Variants in WASHC2C observed in about 807,000 individuals in gnomAD.
WASHC2C encodes Vaccinia Penetration Factor.
Under a neutral mutation model 142.2 loss-of-function variants are expected in WASHC2C, and 73 were observed. That is an observed-to-expected ratio of 0.51 (90% confidence interval 0.43 to 0.62). The LOEUF is 0.62. Ranked by LOEUF, WASHC2C falls within the 20% of genes least tolerant of loss-of-function variation. The pLI, the probability that WASHC2C is intolerant of heterozygous loss-of-function variation, is 0.00. For synonymous variants in WASHC2C, 337 were observed against 565.5 expected (o/e 0.60, Z 5.73); for missense variants, 969 against 1,531.7 (o/e 0.63, Z 6.13).
intron 25 of WASHC2C, 109 bp downstream of exon 25, chr10:45,785,010 C>G: frequency 6.2e-7 from 1 of 1,607,264 alleles, no homozygotes. Flanking sequence ...CGTGCTGCTT[C>G]CTGCTAAATG....
chr10:45,762,932 A>C (rs1371917366), intron 17 of WASHC2C, among the ~76,000 whole-genome samples: 10 of 152,200 alleles, frequency 6.6e-5, no homozygotes, highest in African/African-American at 2.4e-4. Flanking sequence ...AGTAAGTCAT[A>C]ATCTTAGGAG....
chr10:45,727,392 T>C, intron 1 of WASHC2C, 25 bp from the exon 2 acceptor site: 1 of 1,610,312 alleles, frequency 6.2e-7, no homozygotes, highest in Non-Finnish European at 8.5e-7. Flanking sequence ...AGGCTCAGCC[T>C]CTCTTCTCGT....
At chr10:45,773,004 G>A (rs1351356653) in intron 20 of WASHC2C, among the ~76,000 whole-genome samples, 10 of 149,298 alleles carry the variant, frequency 6.7e-5, no homozygotes, top group African/African-American at 2.5e-4. Flanking sequence ...TGATGAACCT[G>A]CACTGGATAG....
chr10:45,779,412 T>C (rs1324814067), intron 23 of WASHC2C, among the ~76,000 whole-genome samples: 2 of 151,656 alleles, frequency 1.3e-5, no homozygotes, highest in African/African-American at 4.8e-5. Flanking sequence ...TGGCCAGTTG[T>C]GGGATGTAAA....
rs201160434 is a variant in WASHC2C at position 45,757,138 on chromosome 10, A to G, written c.1547A>G (p.Lys516Arg). The G allele has an allele frequency of 2.9e-3, 4,694 of 1,604,488 alleles. 133 individuals carry two copies. The African/African-American group carries it at 0.053, about 18-fold the overall frequency. Residue 516 changes from lysine (K) to arginine (R), a missense_variant and splice_region_variant, in exon 16 of 31, where the codon AAG (lysine) becomes AGG (arginine). Lys to Arg is a conservative substitution (Grantham distance 26). Coordinates refer to ENST00000623400, the MANE Select transcript of WASHC2C (RefSeq NM_001330074.2). ...TDENKARAEK[K>R]VTLSYSKNLK... is the part of the protein sequence containing the mutation. Reference sequence around the variant, plus strand: ...GAAAATAAAGCAAGAGCAGAAAAAAAGGTGAGCAGGAGGGAAGACTTAACG... The same window carrying G: ...GAAAATAAAGCAAGAGCAGAAAAAAGGGTGAGCAGGAGGGAAGACTTAACG...
Position 45,776,986 on chromosome 10 carries a change from G to A in WASHC2C, c.2143-287G>A, listed in dbSNP as rs559171402. ...GAGGCAGAGAGAGAGACTCATGATC[G>A]TCTGGTGGCAGAGATAAGGATCTGA... On this transcript the variant is annotated intron_variant, in intron 21 of 30. Transcript: ENST00000623400. Among the ~76,000 whole-genome samples, 129 of 151,064 alleles carry A rather than the reference G, an allele frequency of 8.5e-4. 1 individual carries two copies. The highest frequency in any genetic ancestry group is 2.1e-3 in the South Asian group (10 of 4,778).
Position 45,750,183 on chromosome 10 carries a change from G to T in WASHC2C, c.820G>T (p.Asp274Tyr), listed in dbSNP as rs1554873625. The change falls in exon 9 of 31, where the codon GAC (aspartate) becomes TAC (tyrosine). Residue 274 changes from aspartate (D) to tyrosine (Y), a missense_variant. Coordinates refer to ENST00000623400, the MANE Select transcript of WASHC2C (RefSeq NM_001330074.2). ...TGAGAAGGAGGAGGAAGATATTGAG[G>T]ACATTGAAGAAAATACTAGACCTGT... ...DSEKEEEDIEDIEENTRPKRS... is the reference protein window; with the variant it reads ...DSEKEEEDIEYIEENTRPKRS... 1.9e-6 allele frequency: 3 copies of T among 1,611,264 alleles called. No homozygotes were observed. In the Admixed American group the frequency reaches 5.0e-5, roughly 27 times the overall value.
At position 45,777,469 on chromosome 10, in the gene WASHC2C, A is replaced by G. The variant is rs1554886814; in HGVS notation, c.2295+44A>G. The G allele has an allele frequency of 1.9e-6, 3 of 1,612,712 alleles. No individual in the cohort carries two copies. In the East Asian group the frequency reaches 6.7e-5, roughly 36 times the overall value. On this transcript the variant is annotated intron_variant, in intron 22 of 30. Coordinates refer to ENST00000623400, the MANE Select transcript of WASHC2C (RefSeq NM_001330074.2). Reference sequence around the variant, plus strand: ...ATACTTGAATGCATTTGTCTCTCGTATGTTGTTTCAAACACACCCAACCCC... The same window carrying G: ...ATACTTGAATGCATTTGTCTCTCGTGTGTTGTTTCAAACACACCCAACCCC...
intron 16 of WASHC2C, among the ~76,000 whole-genome samples, chr10:45,758,441 T>C (rs1273986613): frequency 2.6e-5 from 4 of 152,176 alleles, no homozygotes; most frequent in Non-Finnish European, 4.4e-5. Context: ...GTTAATCTGT[T>C]AGCGGGCACA....
At chr10:45,784,265 T>C (rs1325445062) in intron 23 of WASHC2C, among the ~76,000 whole-genome samples, 289 of 5,666 alleles carry the variant, frequency 0.051, 16 homozygotes, top group African/African-American at 0.082. Flanking sequence ...TATATATATA[T>C]ATATATATAT....
chr10:45,769,700 G>A (rs1233649354), intron 20 of WASHC2C, 82 bp downstream of exon 20: 73 of 1,587,728 alleles, frequency 4.6e-5, no homozygotes, highest in Non-Finnish European at 5.8e-5. Context: ...CTAGTTCATC[G>A]GGTGATTGCT....
intron 13 of WASHC2C, among the ~76,000 whole-genome samples, chr10:45,753,669 CAG>C (rs1347263940): frequency 7.2e-6 from 1 of 138,282 alleles, no homozygotes; most frequent in African/African-American, 2.8e-5. Context: ...TTAGTAGAGA[CAG>C]GGTTTCACCA....
intron 3 of WASHC2C, among the ~76,000 whole-genome samples, chr10:45,732,227 G>A (rs537894387): frequency 2.0e-4 from 30 of 152,206 alleles, no homozygotes; most frequent in African/African-American, 7.2e-4. Flanking sequence ...TAGGTTTCTG[G>A]GTTTTATTAA....
At position 45,792,720 on chromosome 10, in the gene WASHC2C, C is replaced by G. The variant is rs2058451357; in HGVS notation, c.*320C>G. 1 of 531,662 alleles carries G rather than the reference C, an allele frequency of 1.9e-6. No individual in the cohort carries two copies. Among genetic ancestry groups the G allele is most frequent in the African/African-American group, 1.9e-5 (1 of 52,308 alleles). 32.9% of individuals were successfully genotyped at this position (531,662 alleles called of 1,614,324 possible). Reference sequence around the variant, plus strand: ...TGTGGCTTTCATGGGCAGGGAATCTCAGAGATAGCAAATGCCACCTGACCA... The same window carrying G: ...TGTGGCTTTCATGGGCAGGGAATCTGAGAGATAGCAAATGCCACCTGACCA... On this transcript the variant is annotated 3_prime_UTR_variant, in exon 31 of 31. Coordinates refer to ENST00000623400, the MANE Select transcript of WASHC2C (RefSeq NM_001330074.2).
chr10:45,744,870 GAA>G lies in WASHC2C; in HGVS notation c.674_675del (p.Lys225ArgfsTer7). ...RGSIVDTEEEKEEEESDEDFA... is the reference protein window; with the variant it reads ...RGSIVDTEEEXEEEESDEDFA... The stretch of plus-strand genomic sequence containing the variant: ...GCAGTATTGTGGACACTGAGGAAGA[GAA>G]AGAAGAGGAGGTAAGGGCTGTTTGG... On this transcript the variant is annotated frameshift_variant, in exon 7 of 31. Coordinates refer to ENST00000623400, the MANE Select transcript of WASHC2C (RefSeq NM_001330074.2). LOFTEE classifies it high-confidence loss of function. The G allele has an allele frequency of 1.7e-6, 1 of 594,788 alleles. No individual in the cohort carries two copies. Among genetic ancestry groups the G allele is most frequent in the Middle Eastern group, 4.3e-4 (1 of 2,334 alleles). The allele number at this position is 594,788 out of a possible 1,614,324, so 36.8% of individuals were successfully genotyped here. A position where few individuals can be genotyped will look rare whatever the true frequency, so the allele number is the denominator to read the frequency against.
chr10:45,762,383 G>C (rs2055222026), intron 17 of WASHC2C, among the ~76,000 whole-genome samples: 1 of 151,334 alleles, frequency 6.6e-6, no homozygotes, highest in Non-Finnish European at 1.5e-5. Flanking sequence ...TGGCTAATCT[G>C]GTATTTTTAC....
chr10:45,738,674 T>A (rs201897256), intron 4 of WASHC2C, among the ~76,000 whole-genome samples: 8,093 of 152,030 alleles, frequency 0.053, 227 homozygotes, highest in African/African-American at 0.08. Flanking sequence ...AGCATTTTTT[T>A]AAAAAAGTTA....
At chr10:45,742,249 T>C (rs2052172085) in intron 5 of WASHC2C, among the ~76,000 whole-genome samples, 1 of 152,290 alleles carries the variant, frequency 6.6e-6, no homozygotes, top group South Asian at 2.1e-4. Context: ...CTTTTCTAAA[T>C]TCAACAGTGT....
chr10:45,776,155 CT>C (rs782015030), intron 21 of WASHC2C, among the ~76,000 whole-genome samples: 3 of 151,986 alleles, frequency 2.0e-5, no homozygotes, highest in Non-Finnish European at 4.4e-5. Context: ...TAAAAATCCC[CT>C]TGCTCTCTTC....
Sources: allele counts gnomAD v4.1 joint callset (sites outside exome capture counted in the v4.1 genomes callset), GRCh38; gene constraint gnomAD v4.1.1; transcripts MANE v1.5; gene names NCBI Gene and HGNC (gene_info 2026-07-23, HGNC 2026-07-21).